CLNK: variants seen among roughly 807,000 people sequenced by gnomAD.
The protein encoded by CLNK is cytokine-dependent hematopoietic cell linker.
In CLNK, 74 loss-of-function variants were observed where a neutral mutation model predicts 68.6. The observed-to-expected ratio is 1.08, with a 90% CI of 0.89 to 1.31. CLNK has a LOEUF of 1.31. CLNK is among the 50% of genes most tolerant of loss of function. The pLI is 0.00. For synonymous variants in CLNK, 198 were observed against 172.2 expected (o/e 1.15, Z -1.17); for missense variants, 553 against 515.3 (o/e 1.07, Z -0.71).
intron 2 of CLNK, among the ~76,000 whole-genome samples, chr4:10,660,217 T>G (rs1487883096): frequency 6.6e-6 from 1 of 152,222 alleles, no homozygotes; most frequent in Non-Finnish European, 1.5e-5. Flanking sequence ...TTGGGCATGA[T>G]TATGTTAATT....
At chr4:10,617,720 G>A (rs188394283) in intron 2 of CLNK, among the ~76,000 whole-genome samples, 62 of 152,292 alleles carry the variant, frequency 4.1e-4, no homozygotes, top group Non-Finnish European at 7.4e-4. Context: ...GTACCATATA[G>A]CCAGAAAAGA....
At chr4:10,717,554 C>T in the CLNK span, among the ~76,000 whole-genome samples, 30 of 152,024 alleles carry the variant, frequency 2.0e-4, no homozygotes, top group African/African-American at 6.3e-4. Flanking sequence ...TGAAATGGCG[C>T]CATTGCACTC....
At chr4:10,555,321 C>T (rs761948165) in intron 8 of CLNK, among the ~76,000 whole-genome samples, 2 of 152,116 alleles carry the variant, frequency 1.3e-5, no homozygotes, top group African/African-American at 4.8e-5. Flanking sequence ...TTCACATCTA[C>T]GGCAAAGAGA....
chr4:10,524,079 A>G, intron 14 of CLNK: 1 of 171,014 alleles, frequency 5.8e-6, no homozygotes, highest in Non-Finnish European at 1.1e-5. Flanking sequence ...AGAAAGAAAG[A>G]AAAGAGAAGA....
upstream of CLNK, among the ~76,000 whole-genome samples, chr4:10,688,894 C>T (rs1297688478): frequency 6.6e-6 from 1 of 151,946 alleles, no homozygotes; most frequent in African/African-American, 2.4e-5. Flanking sequence ...TATAGACTCA[C>T]AAGAAAGAAA....
At position 10,586,120 on chromosome 4, in the gene CLNK, C is replaced by T. The variant is rs190923493; in HGVS notation, c.84-1165G>A. Among the ~76,000 whole-genome samples the T allele has an allele frequency of 3.3e-5, 5 of 151,496 alleles. No homozygotes were observed. The East Asian group carries it at 5.8e-4, about 18-fold the overall frequency. On this transcript the variant is annotated intron_variant, in intron 3 of 18. Coordinates refer to ENST00000226951, the MANE Select transcript of CLNK (RefSeq NM_052964.4). ...GCTCCGACAGGAGACAAAGCTTAGGCGATAATGCTTGCTTGTCCACTGCCC... is the reference window on the plus strand; with the variant it reads ...GCTCCGACAGGAGACAAAGCTTAGGTGATAATGCTTGCTTGTCCACTGCCC...
chr4:10,677,363 C>G (rs1724915483), intron 1 of CLNK, among the ~76,000 whole-genome samples: 1 of 152,020 alleles, frequency 6.6e-6, no homozygotes, highest in Admixed American at 6.6e-5. Context: ...GTTTTATGAT[C>G]AGGAGAGCCT....
At chr4:10,557,076 AAAATAAAT>A (rs145622246) in intron 8 of CLNK, among the ~76,000 whole-genome samples, 22,696 of 139,912 alleles carry the variant, frequency 0.16, 1,869 homozygotes, top group African/African-American at 0.2. Flanking sequence ...ACTCTGTCTC[AAAATAAAT>A]AAATAAATAA....
chr4:10,672,210 G>T (rs916151812), intron 1 of CLNK, among the ~76,000 whole-genome samples: 3 of 152,222 alleles, frequency 2.0e-5, no homozygotes. Context: ...TAAATTGCTT[G>T]TTGAAACTGT....
At chr4:10,588,047 T>C (rs1437756959) in intron 3 of CLNK, among the ~76,000 whole-genome samples, 1 of 152,200 alleles carries the variant, frequency 6.6e-6, no homozygotes, top group African/African-American at 2.4e-5. Flanking sequence ...GTCTTGGTCT[T>C]TGATTAAGGC....
intron 2 of CLNK, among the ~76,000 whole-genome samples, chr4:10,656,322 A>T (rs909128547): frequency 1.5e-5 from 2 of 133,326 alleles, no homozygotes; most frequent in Non-Finnish European, 3.3e-5. Context: ...AAAACGACAA[A>T]TGCCTGACCA....
At position 10,492,049 on chromosome 4, in the gene CLNK, C is replaced by T. The variant is rs966186171; in HGVS notation, c.1141-1436G>A. On this transcript the variant is annotated intron_variant, in intron 18 of 18. Transcript: ENST00000226951. ...AGATAATTAGGAAGAGCTTGCTCAA[C>T]CTGCCTCCCATGTTTCAAGACAACT... 1.8e-4 allele frequency among the ~76,000 whole-genome samples: 28 copies of T among 152,130 alleles called. 1 individual carries two copies. The highest frequency in any genetic ancestry group is 1.6e-3 in the Admixed American group (25 of 15,264).
chr4:10,656,161 C>CA (rs1433506802), intron 2 of CLNK, among the ~76,000 whole-genome samples: 1 of 151,692 alleles, frequency 6.6e-6, no homozygotes. Flanking sequence ...AAACAATACA[C>CA]AAAATGAATG....
chr4:10,558,421 C>T lies in CLNK; in HGVS notation c.431G>A (p.Ser144Asn). The change falls in exon 8 of 19, where the codon AGC becomes AAC. Residue 144 changes from serine (S) to asparagine (N), a missense_variant. By Grantham distance (46) the Ser-to-Asn change is conservative. Coordinates refer to ENST00000226951, the MANE Select transcript of CLNK (RefSeq NM_052964.4). ...CATGACTTTACCTTTAATGTTTTGGCTTCTGACGTCCTTGGAAATGGGTTT... is the reference window on the plus strand; with the variant it reads ...CATGACTTTACCTTTAATGTTTTGGTTTCTGACGTCCTTGGAAATGGGTTT... ...VDKPISKDVR[S>N]QNIKGDASVR... The T allele has an allele frequency of 6.2e-7, 1 of 1,613,836 alleles. No individual in the cohort carries two copies. The highest frequency in any genetic ancestry group is 8.5e-7 in the Non-Finnish European group (1 of 1,179,806).
At chr4:10,649,668 T>A (rs182142960) in intron 2 of CLNK, among the ~76,000 whole-genome samples, 31 of 152,188 alleles carry the variant, frequency 2.0e-4, no homozygotes, top group Non-Finnish European at 4.0e-4. Flanking sequence ...GGGACAAAAT[T>A]TCCTCCTGAG....
intron 7 of CLNK, among the ~76,000 whole-genome samples, chr4:10,562,462 G>A (rs1385721060): frequency 2.6e-5 from 4 of 152,142 alleles, no homozygotes; most frequent in Non-Finnish European, 5.9e-5. Context: ...CTGGAGTGCA[G>A]TGGTGCAATC....
At chr4:10,552,335 C>T (rs1211800318) in intron 8 of CLNK, among the ~76,000 whole-genome samples, 1 of 152,170 alleles carries the variant, frequency 6.6e-6, no homozygotes, top group African/African-American at 2.4e-5. Context: ...AGCCATCAGG[C>T]TGGGGGGACA....
intron 16 of CLNK, among the ~76,000 whole-genome samples, chr4:10,509,803 G>T (rs563931904): frequency 1.3e-5 from 2 of 152,128 alleles, no homozygotes; most frequent in East Asian, 1.9e-4. Context: ...TGGGGTTACA[G>T]GTGTGAGTCA....
At chr4:10,694,497 A>G in the CLNK span, among the ~76,000 whole-genome samples, 1 of 152,146 alleles carries the variant, frequency 6.6e-6, no homozygotes, top group African/African-American at 2.4e-5. Flanking sequence ...ATAAGTTTAG[A>G]TACACGAATA....
Sources: allele counts gnomAD v4.1 joint callset (sites outside exome capture counted in the v4.1 genomes callset), GRCh38; gene constraint gnomAD v4.1.1; transcripts MANE v1.5; gene names NCBI Gene and HGNC (gene_info 2026-07-23, HGNC 2026-07-21).